The following NPAS3 variants were observed in gnomAD, a reference collection of about 807,000 sequenced individuals.
The protein encoded by NPAS3 is neuronal PAS domain-containing protein 3.
In NPAS3, 14 loss-of-function variants were observed where a neutral mutation model predicts 73.1. The observed-to-expected ratio is 0.19, with a 90% CI of 0.13 to 0.30. The LOEUF (loss-of-function observed/expected upper bound fraction) is 0.30, where lower values mean the gene tolerates loss of function less well. Ranked by LOEUF, NPAS3 falls within the 10% of genes least tolerant of loss-of-function variation. The pLI is 1.00. For synonymous variants in NPAS3, 620 were observed against 541.5 expected, an observed-to-expected ratio of 1.14 and a Z score of -2.01; for missense variants, 1,096 against 1,250.0, an observed-to-expected ratio of 0.88 and a Z score of 1.86.
chr14:33,614,815 T>C (rs1795959878), intron 5 of NPAS3, among the ~76,000 whole-genome samples: 3 of 152,186 alleles, frequency 2.0e-5, no homozygotes, highest in African/African-American at 7.2e-5. Context: ...TTATTCAAAA[T>C]ATATTCTGAA....
intron 2 of NPAS3, among the ~76,000 whole-genome samples, chr14:33,130,140 T>G (rs1333261755): frequency 6.6e-6 from 1 of 152,218 alleles, no homozygotes; most frequent in Non-Finnish European, 1.5e-5. Flanking sequence ...TTAATGCAGT[T>G]TCTTAAATGG....
At chr14:33,142,191 C>CTTTTTTTTTTTTTTTTTTTTTTTTTTAAT (rs10709910) in intron 2 of NPAS3, among the ~76,000 whole-genome samples, 1 of 38,084 alleles carries the variant, frequency 2.6e-5, no homozygotes, top group Non-Finnish European at 4.4e-5. Context: ...TTTGTATAAG[C>CTTTTTTTTTTTTTTTTTTTTTTTTTTAAT]TTTTTTTTTT....
At chr14:33,751,852 T>C (rs1450436564) in intron 7 of NPAS3, among the ~76,000 whole-genome samples, 2 of 152,190 alleles carry the variant, frequency 1.3e-5, no homozygotes, top group Non-Finnish European at 2.9e-5. Context: ...GTCACATCAG[T>C]TACAAGTGAT....
chr14:33,801,056 G>C, exon 12 of NPAS3: 1 of 1,594,736 alleles, frequency 6.3e-7, no homozygotes, highest in Non-Finnish European at 8.5e-7. Flanking sequence ...GCCCTTCCCC[G>C]TCTACAGCAA....
At chr14:33,699,006 T>A (rs774652529) in intron 6 of NPAS3, among the ~76,000 whole-genome samples, 9 of 152,176 alleles carry the variant, frequency 5.9e-5, no homozygotes, top group Non-Finnish European at 8.8e-5. Context: ...TACAGCCACA[T>A]GTGCTGGCAT....
At chr14:33,611,011 C>T (rs2057731283) in intron 5 of NPAS3, 1 of 152,194 alleles carries the variant, frequency 6.6e-6, no homozygotes, top group Non-Finnish European at 1.5e-5. Flanking sequence ...AAACGTTTTA[C>T]ATGGAAAAAG....
At position 33,609,370 on chromosome 14, in the gene NPAS3, A is replaced by G. The variant is rs1595269057; in HGVS notation, c.558+49160A>G. Among the ~76,000 whole-genome samples the G allele has an allele frequency of 2.6e-5, 4 of 152,322 alleles. No homozygotes were observed. The East Asian group carries it at 7.7e-4, about 29-fold the overall frequency. Reference sequence around the variant, plus strand: ...ATGAGAGACCATTGGATAGACTTGAAGGATGCTTGCTGCTGCTTTTCATGA... The same window carrying G: ...ATGAGAGACCATTGGATAGACTTGAGGGATGCTTGCTGCTGCTTTTCATGA... On this transcript the variant is annotated intron_variant, in intron 5 of 11. Coordinates refer to ENST00000356141, the Ensembl canonical transcript of NPAS3.
intron 1 of NPAS3, among the ~76,000 whole-genome samples, chr14:32,978,901 T>C (rs772188429): frequency 3.3e-5 from 5 of 152,186 alleles, no homozygotes; most frequent in Non-Finnish European, 7.3e-5. Flanking sequence ...CCTTTGAAGA[T>C]GTCTTAGGTG....
At chr14:32,979,533 G>A (rs1438537759) in intron 1 of NPAS3, among the ~76,000 whole-genome samples, 2 of 152,138 alleles carry the variant, frequency 1.3e-5, no homozygotes, top group Non-Finnish European at 2.9e-5. Flanking sequence ...GCAAGTGTCT[G>A]TCTGAAGCCA....
In NPAS3 at chr14:33,744,798, AAATAAT is replaced by A. The variant is rs577889559; in HGVS notation, c.852+9482_852+9487del. ...GAGTGAGACCCCATCCCAAAAAAGC[AAATAAT>A]AATAATAATAATAATGAAGTTTGAA... On this transcript the variant is annotated intron_variant, in intron 7 of 11. Transcript: ENST00000356141. 5.8e-3 allele frequency among the ~76,000 whole-genome samples: 876 copies of A among 151,610 alleles called. 11 individuals are homozygous for A. Among genetic ancestry groups the A allele is most frequent in the Non-Finnish European group, 5.8e-3 (391 of 67,854 alleles).
chr14:33,148,761 C>T (rs1375649135), intron 2 of NPAS3, among the ~76,000 whole-genome samples: 1 of 152,044 alleles, frequency 6.6e-6, no homozygotes, highest in Non-Finnish European at 1.5e-5. Context: ...ATCAAAGCTC[C>T]CTGTAAGCCT....
chr14:33,605,867 T>G (rs2057543616), intron 5 of NPAS3, among the ~76,000 whole-genome samples: 1 of 152,040 alleles, frequency 6.6e-6, no homozygotes, highest in African/African-American at 2.4e-5. Context: ...AATGACAAAC[T>G]GATTCTAAAA....
At chr14:33,631,078 A>G (rs1412261823) in intron 5 of NPAS3, among the ~76,000 whole-genome samples, 1 of 152,194 alleles carries the variant, frequency 6.6e-6, no homozygotes, top group Non-Finnish European at 1.5e-5. Flanking sequence ...AGCTTCTTCC[A>G]CTGTGCAACA....
chr14:33,235,997 G>A (rs1324793625), intron 3 of NPAS3, among the ~76,000 whole-genome samples: 1 of 151,510 alleles, frequency 6.6e-6, no homozygotes, highest in African/African-American at 2.4e-5. Context: ...TCACAATGTT[G>A]CCCAGGCTGG....
chr14:33,680,958 G>A (rs1595427268), intron 6 of NPAS3: 1 of 286,232 alleles, frequency 3.5e-6, no homozygotes, highest in Non-Finnish European at 6.4e-6. Flanking sequence ...TTATACTTAC[G>A]CTATGTCCCG....
At chr14:33,460,380 G>C (rs1435581561) in intron 4 of NPAS3, among the ~76,000 whole-genome samples, 1 of 152,116 alleles carries the variant, frequency 6.6e-6, no homozygotes, top group African/African-American at 2.4e-5. Flanking sequence ...ATTAAAAGAA[G>C]TACTATAACT....
chr14:33,128,869 G>A (rs902812095), intron 2 of NPAS3, among the ~76,000 whole-genome samples: 10 of 152,194 alleles, frequency 6.6e-5, no homozygotes, highest in East Asian at 3.9e-4. Flanking sequence ...ACAAAGTATC[G>A]TATCAGAAAT....
At chr14:33,367,817 T>C (rs2045911356) in intron 4 of NPAS3, among the ~76,000 whole-genome samples, 1 of 152,192 alleles carries the variant, frequency 6.6e-6, no homozygotes, top group Non-Finnish European at 1.5e-5. Context: ...TAATTGATTT[T>C]GCCAGTGAAC....
intron 4 of NPAS3, among the ~76,000 whole-genome samples, chr14:33,444,029 T>C (rs997471082): frequency 6.6e-6 from 1 of 152,254 alleles, no homozygotes; most frequent in Non-Finnish European, 1.5e-5. Context: ...TTTAATTTGG[T>C]ACATTTGTAT....
Sources: gnomAD v4.1 joint callset for allele counts (sites outside exome capture counted in the v4.1 genomes callset) on GRCh38, gnomAD v4.1.1 for gene constraint, MANE v1.5 for transcripts, NCBI Gene and HGNC (gene_info 2026-07-23, HGNC 2026-07-21) for gene names.